CUX1: variants seen among roughly 807,000 people sequenced by gnomAD.
CUX1 encodes the protein cut like homeobox 1.
In CUX1, 31 loss-of-function variants were observed where a neutral mutation model predicts 158.8. The observed-to-expected ratio is 0.20, with a 90% CI of 0.15 to 0.26. CUX1 has a LOEUF of 0.26. Among genes scored for constraint, CUX1 ranks in the 10% least tolerant of loss-of-function variants. The pLI is 1.00. For synonymous variants in CUX1, 879 were observed against 862.1 expected (o/e 1.02, Z -0.34); for missense variants, 1,589 against 2,014.6 (o/e 0.79, Z 4.04).
intron 9 of CUX1, among the ~76,000 whole-genome samples, chr7:102,166,349 C>T (rs1037548274): frequency 1.3e-5 from 2 of 152,080 alleles, no homozygotes; most frequent in Admixed American, 6.6e-5. Flanking sequence ...GGCGAGGGGC[C>T]GTTCTCATGG....
rs1182433994 is a variant in CUX1 at position 102,227,579 on chromosome 7, A to G, written c.3343A>G (p.Ser1115Gly). The G allele has an allele frequency of 4.3e-6, 7 of 1,614,040 alleles. No homozygotes were observed. Among genetic ancestry groups the G allele is most frequent in the Non-Finnish European group, 5.9e-6 (7 of 1,180,054 alleles). ...PLPLSGHSAL[S>G]IQELVAMSPE... is the part of the protein sequence containing the mutation. ...GCCTCTCTCCGGACACTCGGCCCTC[A>G]GCATCCAAGAATTAGTAGCCATGTC... is the stretch of plus-strand genomic sequence containing the variant. The change falls in exon 21 of 24, where the codon AGC (serine) becomes GGC (glycine). Residue 1115 changes from serine to glycine, a missense_variant. This residue lies in a region of CUX1 where 259 missense variants were observed against 373.8 expected (regional missense o/e 0.69). Transcript: ENST00000292535.
intron 18 of CUX1, among the ~76,000 whole-genome samples, chr7:102,204,189 C>T (rs1038898386): frequency 1.8e-4 from 27 of 152,208 alleles, no homozygotes; most frequent in African/African-American, 6.3e-4. Flanking sequence ...CGAAAGTCCC[C>T]CTGTGCCGGG....
intron 2 of CUX1, among the ~76,000 whole-genome samples, chr7:101,949,815 A>T (rs1199265849): frequency 6.6e-6 from 1 of 150,836 alleles, no homozygotes; most frequent in South Asian, 2.1e-4. Context: ...TACAGGCATG[A>T]GCCACCACGC....
rs367981185 is a variant in CUX1, at chr7:101,826,195, G to GT, written c.30+8535dup. On this transcript the variant is annotated intron_variant, in intron 1 of 23. Coordinates refer to ENST00000292535, the MANE Select transcript of CUX1 (RefSeq NM_181552.4). ...TTCAAGCCTACTTCAGAATTTTTTT[G>GT]TTTTTTTTTGTTTTTGATTTTTTGA... is the stretch of plus-strand genomic sequence containing the variant. Among the ~76,000 whole-genome samples, 1,150 of 150,360 alleles carry GT rather than the reference G, an allele frequency of 7.6e-3. 8 individuals carry two copies. The highest frequency in any genetic ancestry group is 0.026 in the African/African-American group (1,072 of 40,966).
At chr7:101,925,978 A>C (rs1805540697) in intron 2 of CUX1, among the ~76,000 whole-genome samples, 1 of 152,090 alleles carries the variant, frequency 6.6e-6, no homozygotes. Flanking sequence ...ACCTAAACTA[A>C]ATTAAAAAAG....
At chr7:102,057,002 A>C (rs1215108152) in intron 3 of CUX1, among the ~76,000 whole-genome samples, 3 of 151,648 alleles carry the variant, frequency 2.0e-5, no homozygotes, top group Non-Finnish European at 4.4e-5. Flanking sequence ...CCTGGGTTCA[A>C]GTGATTCTCC....
intron 22 of CUX1, 72 bp from the exon 23 acceptor site, chr7:102,239,248 C>A (rs1031280569): frequency 3.1e-5 from 47 of 1,518,482 alleles, no homozygotes; most frequent in Non-Finnish European, 4.1e-5. Flanking sequence ...TGCCGTCCCG[C>A]TAGCGGGACT....
Position 102,201,712 on chromosome 7 carries a change from G to T in CUX1, c.2415G>T (p.Gly805=), listed in dbSNP as rs2132035438. Reference sequence around the variant, plus strand: ...AGGGAGCAGCCGATTGTGCACAAGGGGTCCTGAGACAGGTGAAAAATGAGG... The same window carrying T: ...AGGGAGCAGCCGATTGTGCACAAGGTGTCCTGAGACAGGTGAAAAATGAGG... ...DPQGAADCAQ[G]VLRQVKNEVG... The change falls in exon 18 of 24, where the codon GGG becomes GGT. Residue 805 remains glycine (G), a synonymous_variant. Coordinates refer to ENST00000292535, the MANE Select transcript of CUX1 (RefSeq NM_181552.4). This position sits in a 1 kb window ranked among gnomAD's most constrained non-coding sequence, Gnocchi z 5.0. 1 of 1,612,654 alleles carries T rather than the reference G, an allele frequency of 6.2e-7. No homozygotes were observed. The highest frequency in any genetic ancestry group is 8.5e-7 in the Non-Finnish European group (1 of 1,179,902).
chr7:102,065,995 T>G (rs1171016469), intron 3 of CUX1, among the ~76,000 whole-genome samples: 3 of 152,110 alleles, frequency 2.0e-5, no homozygotes, highest in Non-Finnish European at 4.4e-5. Context: ...TTCACCATGT[T>G]GACCAGGCTG....
intron 11 of CUX1, among the ~76,000 whole-genome samples, chr7:102,189,188 C>T (rs532984621): frequency 6.6e-6 from 1 of 152,248 alleles, no homozygotes; most frequent in South Asian, 2.1e-4. Flanking sequence ...TGACAACCAG[C>T]TGTATGAGTC....
chr7:101,947,904 CTG>C (rs1585062156), intron 2 of CUX1, among the ~76,000 whole-genome samples: 1 of 152,202 alleles, frequency 6.6e-6, no homozygotes, highest in East Asian at 1.9e-4. Flanking sequence ...CCATCCATGT[CTG>C]TATTTCCTGA....
At chr7:102,203,225 C>A (rs1428366106) in intron 18 of CUX1, among the ~76,000 whole-genome samples, 1 of 152,110 alleles carries the variant, frequency 6.6e-6, no homozygotes, top group African/African-American at 2.4e-5. Flanking sequence ...CCTCCCAACC[C>A]CCTACCATTT....
intron 20 of CUX1, among the ~76,000 whole-genome samples, chr7:102,208,768 C>T (rs1377111166): frequency 6.6e-6 from 1 of 152,166 alleles, no homozygotes; most frequent in African/African-American, 2.4e-5. Context: ...CAAGAGGCCC[C>T]CAGACCCAGA....
intron 2 of CUX1, among the ~76,000 whole-genome samples, chr7:101,972,718 T>TGCC (rs1387964464): frequency 6.6e-6 from 1 of 152,146 alleles, no homozygotes; most frequent in Non-Finnish European, 1.5e-5. Context: ...CCGGCCCCAA[T>TGCC]GCCTCCTCCT....
rs143319539 is a variant in CUX1, at chr7:102,256,196, C to T, written c.*7154C>T. On this transcript the variant is annotated 3_prime_UTR_variant, in exon 24 of 24. Coordinates refer to ENST00000292535, the MANE Select transcript of CUX1 (RefSeq NM_181552.4). ...GTGATTCAGAAGCTGAGACCCTTCC[C>T]CAGTGTCTGAGGCCACAGCCATCCC... is the stretch of plus-strand genomic sequence containing the variant. 2,240 of 985,458 alleles carry T rather than the reference C, an allele frequency of 2.3e-3. 4 individuals are homozygous for T. Among genetic ancestry groups the T allele is most frequent in the Non-Finnish European group, 2.6e-3 (2,134 of 829,958 alleles). The allele number at this position is 985,458 out of a possible 1,614,324, so 61.0% of individuals were successfully genotyped here.
intron 16 of CUX1, among the ~76,000 whole-genome samples, chr7:102,199,089 T>C (rs535653726): frequency 3.3e-5 from 5 of 152,120 alleles, no homozygotes; most frequent in Non-Finnish European, 7.4e-5. Flanking sequence ...AGAAGAGGCA[T>C]TGCTAAGCTA....
chr7:102,098,085 C>A (rs1455598407), intron 5 of CUX1, among the ~76,000 whole-genome samples: 1 of 152,240 alleles, frequency 6.6e-6, no homozygotes, highest in Non-Finnish European at 1.5e-5. Flanking sequence ...AGGAATCTCT[C>A]CTTTACCTAA....
chr7:102,030,691 G>GGTTTTTTTT (rs537970250), intron 3 of CUX1, among the ~76,000 whole-genome samples: 23 of 119,408 alleles, frequency 1.9e-4, no homozygotes, highest in African/African-American at 6.5e-4. Flanking sequence ...TTTAAAAAGT[G>GGTTTTTTTT]TTTTTTTTTT....
chr7:101,842,087 ACTTTT>A (rs142589878), intron 1 of CUX1, among the ~76,000 whole-genome samples: 460 of 152,006 alleles, frequency 3.0e-3, no homozygotes, highest in African/African-American at 9.6e-3. Flanking sequence ...GATTTTTGAC[ACTTTT>A]CTTTAATGGC....
Sources: gnomAD v4.1 joint callset for allele counts (sites outside exome capture counted in the v4.1 genomes callset) on GRCh38, gnomAD v4.1.1 for gene constraint, gnomAD v4.1.1 regional missense constraint, Gnocchi (gnomAD v3.1) non-coding constraint, MANE v1.5 for transcripts, NCBI Gene and HGNC (gene_info 2026-07-23, HGNC 2026-07-21) for gene names.